The following XYLT1 variants were observed in gnomAD, a reference collection of about 807,000 sequenced individuals.
XYLT1 encodes the protein xylosyltransferase 1, also known as beta-D-xylosyltransferase 1.
In XYLT1, 36 loss-of-function variants were observed where a neutral mutation model predicts 91.3. The observed-to-expected ratio is 0.39, with a 90% CI of 0.30 to 0.52. The LOEUF (loss-of-function observed/expected upper bound fraction) is 0.52. XYLT1 is among the 20% of genes least tolerant of loss of function. The probability of loss-of-function intolerance (pLI) is 0.68; values close to 1 mark genes in which losing one functional copy is unlikely to be tolerated. For missense variants in XYLT1, 1,242 were observed against 1,284.5 expected, an observed-to-expected ratio of 0.97 and a Z score of 0.51; for synonymous variants, 588 against 532.0, an observed-to-expected ratio of 1.11 and a Z score of -1.45.
intron 3 of XYLT1, among the ~76,000 whole-genome samples, chr16:17,222,061 C>T (rs2032978232): frequency 6.6e-6 from 1 of 152,204 alleles, no homozygotes; most frequent in African/African-American, 2.4e-5. Context: ...AATTCACAGC[C>T]CGTCAACTGG....
At chr16:17,246,089 G>A (rs1218773016) in intron 3 of XYLT1, among the ~76,000 whole-genome samples, 1 of 152,190 alleles carries the variant, frequency 6.6e-6, no homozygotes, top group Non-Finnish European at 1.5e-5. Context: ...CAGTGGTTAA[G>A]CCCCTTGCCA....
At chr16:17,205,784 A>G (rs1198669015) in intron 3 of XYLT1, among the ~76,000 whole-genome samples, 4 of 152,130 alleles carry the variant, frequency 2.6e-5, no homozygotes, top group African/African-American at 4.8e-5. Flanking sequence ...CCAGACCACA[A>G]TTAATAACAA....
At chr16:17,258,702 T>C (rs551558782) in intron 3 of XYLT1, among the ~76,000 whole-genome samples, 1 of 152,352 alleles carries the variant, frequency 6.6e-6, no homozygotes, top group Admixed American at 6.5e-5. Flanking sequence ...CCTTGGCTCC[T>C]GCCAGCATCA....
intron 1 of XYLT1, among the ~76,000 whole-genome samples, chr16:17,397,827 CT>C (rs749199983): frequency 0.35 from 37,754 of 108,684 alleles, 4,883 homozygotes; most frequent in African/African-American, 0.41. Context: ...TTGAATAGCT[CT>C]TTTTTTTTTT....
Position 17,106,393 on chromosome 16 carries a change from C to T in XYLT1, c.*2302G>A, listed in dbSNP as rs1966774982. ...GAGGATGTGGCACCCAGCGCGTGGC[C>T]ACCATAGAGTCTGTAAAAGAGATCA... On this transcript the variant is annotated 3_prime_UTR_variant, in exon 12 of 12. Transcript: ENST00000261381. The T allele has an allele frequency of 1.3e-5, 2 of 152,204 alleles. No individual in the cohort carries two copies. Among genetic ancestry groups the T allele is most frequent in the Non-Finnish European group, 2.9e-5 (2 of 68,092 alleles). The allele number at this position is 152,204 out of a possible 1,614,324, so 9.4% of individuals were successfully genotyped here.
At chr16:17,448,779 A>AAGC (rs144966908) in intron 1 of XYLT1, among the ~76,000 whole-genome samples, 2 of 151,920 alleles carry the variant, frequency 1.3e-5, no homozygotes, top group Non-Finnish European at 2.9e-5. Context: ...GAGGAGGAGG[A>AAGC]AGCAGCAGCA....
At chr16:17,257,460 C>G (rs2033650862) in intron 3 of XYLT1, among the ~76,000 whole-genome samples, 1 of 152,192 alleles carries the variant, frequency 6.6e-6, no homozygotes, top group Admixed American at 6.5e-5. Flanking sequence ...GAGAAAACCA[C>G]TGAGCAAACG....
At chr16:17,213,355 T>A (rs1434865670) in intron 3 of XYLT1, among the ~76,000 whole-genome samples, 1 of 152,190 alleles carries the variant, frequency 6.6e-6, no homozygotes, top group Non-Finnish European at 1.5e-5. Context: ...CCTTTCTTTA[T>A]AAATTATCCA....
rs146409854 is a variant in XYLT1 at position 17,261,148 on chromosome 16, C to G, written c.403-1650G>C. ...TCTCAGCTAACTCAGAAATCTGAGG[C>G]AGGAGAATTGCTTGAACCTGGGAGG... On this transcript the variant is annotated intron_variant, in intron 2 of 11. Transcript: ENST00000261381. 5.2e-3 allele frequency among the ~76,000 whole-genome samples: 771 copies of G among 149,384 alleles called. 7 individuals carry two copies. Among genetic ancestry groups the G allele is most frequent in the African/African-American group, 0.018 (742 of 40,548 alleles).
At chr16:17,454,719 A>G (rs2141953553) in intron 1 of XYLT1, among the ~76,000 whole-genome samples, 1 of 152,020 alleles carries the variant, frequency 6.6e-6, no homozygotes, top group Admixed American at 6.6e-5. Flanking sequence ...TGTACCTTTT[A>G]GTAGAGATGG....
At chr16:17,198,140 G>T in intron 5 of XYLT1, 72 bp downstream of exon 5, 2 of 1,532,674 alleles carry the variant, frequency 1.3e-6, no homozygotes, top group Non-Finnish European at 9.0e-7. Flanking sequence ...CTTCTGCCTC[G>T]TGAGTTCCCA....
intron 5 of XYLT1, among the ~76,000 whole-genome samples, chr16:17,160,592 G>A (rs932259641): frequency 5.3e-5 from 8 of 152,288 alleles, no homozygotes; most frequent in Middle Eastern, 3.4e-3. Context: ...GAAACACCCC[G>A]TGTGTCTGCA....
At position 17,297,848 on chromosome 16, in the gene XYLT1, C is replaced by T. The variant is rs183165265; in HGVS notation, c.403-38350G>A. ...CATCCTGGCTAACACGGTGAAACCC[C>T]GCCTCTACTAAAAATACAAAACATT... is the stretch of plus-strand genomic sequence containing the variant. On this transcript the variant is annotated intron_variant, in intron 2 of 11. Transcript: ENST00000261381. Among the ~76,000 whole-genome samples the T allele has an allele frequency of 5.2e-3, 798 of 152,136 alleles. 9 individuals are homozygous for T. Among genetic ancestry groups the T allele is most frequent in the African/African-American group, 0.018 (762 of 41,506 alleles).
chr16:17,450,941 G>A (rs2036657804), intron 1 of XYLT1, among the ~76,000 whole-genome samples: 1 of 152,220 alleles, frequency 6.6e-6, no homozygotes, highest in Admixed American at 6.5e-5. Flanking sequence ...GAAGTTCCGA[G>A]TTGGGGACAT....
intron 1 of XYLT1, among the ~76,000 whole-genome samples, chr16:17,404,886 C>T (rs551237648): frequency 1.2e-4 from 18 of 152,338 alleles, no homozygotes; most frequent in African/African-American, 2.9e-4. Flanking sequence ...GCTGCAACCA[C>T]GCGCATCTGC....
At chr16:17,265,209 C>A (rs936542187) in intron 2 of XYLT1, among the ~76,000 whole-genome samples, 1 of 151,982 alleles carries the variant, frequency 6.6e-6, no homozygotes, top group East Asian at 1.9e-4. Context: ...CAACACCTCA[C>A]CTCTTGGGTA....
intron 3 of XYLT1, among the ~76,000 whole-genome samples, chr16:17,252,932 T>C (rs2033564149): frequency 6.6e-6 from 1 of 152,214 alleles, no homozygotes; most frequent in Non-Finnish European, 1.5e-5. Context: ...TCCATCTGTG[T>C]GTATGCTTAT....
intron 2 of XYLT1, among the ~76,000 whole-genome samples, chr16:17,295,681 C>G (rs1263827960): frequency 2.0e-5 from 3 of 152,180 alleles, no homozygotes; most frequent in Non-Finnish European, 2.9e-5. Context: ...TTAACTGGGT[C>G]AACTTGACCC....
intron 3 of XYLT1, chr16:17,251,163 C>G (rs1246150358): frequency 6.6e-6 from 1 of 152,390 alleles, no homozygotes; most frequent in African/African-American, 2.4e-5. Flanking sequence ...CTCTCTGCAG[C>G]GAGCGGCCAG....
Sources: gnomAD v4.1 joint callset for allele counts (sites outside exome capture counted in the v4.1 genomes callset) on GRCh38, gnomAD v4.1.1 for gene constraint, MANE v1.5 for transcripts, NCBI Gene and HGNC (gene_info 2026-07-23, HGNC 2026-07-21) for gene names.